The following ERG variants were observed in gnomAD, a reference collection of about 807,000 sequenced individuals.
ERG encodes transcriptional regulator ERG.
A neutral mutation model predicts 55.3 loss-of-function variants in ERG; 9 were observed. The ratio of observed to expected loss-of-function variants is 0.16; its 90% confidence interval spans 0.10 to 0.28. ERG has a LOEUF of 0.28. Among genes scored for constraint, ERG ranks in the 10% least tolerant of loss-of-function variants. The pLI is 1.00. For missense variants in ERG, 434 were observed against 631.6 expected, an observed-to-expected ratio of 0.69 and a Z score of 3.35; for synonymous variants, 223 against 237.3, an observed-to-expected ratio of 0.94 and a Z score of 0.55.
intron 2 of ERG, among the ~76,000 whole-genome samples, chr21:38,568,316 T>C (rs2059935976): frequency 6.6e-6 from 1 of 152,210 alleles, no homozygotes; most frequent in East Asian, 1.9e-4. Flanking sequence ...TAATGTGATG[T>C]GATAATAAGT....
intron 2 of ERG, among the ~76,000 whole-genome samples, chr21:38,435,377 T>C (rs375633679): frequency 6.6e-6 from 1 of 152,214 alleles, no homozygotes; most frequent in East Asian, 1.9e-4. Context: ...GTTTTATTTC[T>C]GAATCAGAGG....
intron 1 of ERG, among the ~76,000 whole-genome samples, chr21:38,620,283 G>A (rs12329803): frequency 6.6e-6 from 1 of 151,474 alleles, no homozygotes; most frequent in South Asian, 2.1e-4. Flanking sequence ...TTATGCAACA[G>A]AAAGGCGATG....
At chr21:38,481,764 C>A (rs773544228) in intron 1 of ERG, among the ~76,000 whole-genome samples, 8 of 152,256 alleles carry the variant, frequency 5.3e-5, no homozygotes, top group Non-Finnish European at 1.0e-4. Flanking sequence ...AATCAATATA[C>A]TAGACACCAG....
chr21:38,601,398 A>G (rs2060163685), intron 1 of ERG, among the ~76,000 whole-genome samples: 1 of 152,180 alleles, frequency 6.6e-6, no homozygotes, highest in Non-Finnish European at 1.5e-5. Context: ...ATCCAACACC[A>G]TATTATTGTC....
intron 2 of ERG, among the ~76,000 whole-genome samples, chr21:38,566,365 G>A (rs764202538): frequency 3.9e-5 from 6 of 152,154 alleles, no homozygotes; most frequent in Non-Finnish European, 5.9e-5. Flanking sequence ...GCCCCACACT[G>A]AGTCCTACAA....
At chr21:38,569,029 G>GC (rs1183559597) in intron 2 of ERG, among the ~76,000 whole-genome samples, 1 of 152,168 alleles carries the variant, frequency 6.6e-6, no homozygotes, top group Non-Finnish European at 1.5e-5. Context: ...ACTACAGGCA[G>GC]CCCCCCTGAG....
chr21:38,469,373 T>C (rs2059120766), intron 1 of ERG, among the ~76,000 whole-genome samples: 1 of 152,216 alleles, frequency 6.6e-6, no homozygotes, highest in African/African-American at 2.4e-5. Flanking sequence ...TGCCATTACC[T>C]GAAAAATTCC....
At chr21:38,459,468 G>T (rs1274005721) in intron 1 of ERG, among the ~76,000 whole-genome samples, 2 of 152,176 alleles carry the variant, frequency 1.3e-5, no homozygotes, top group African/African-American at 2.4e-5. Context: ...TTACTTTGGG[G>T]GACGATTTTA....
At chr21:38,587,127 A>G (rs569894132), upstream of ERG, among the ~76,000 whole-genome samples, 152 of 152,314 alleles carry the variant, frequency 1.0e-3, 1 homozygote, top group African/African-American at 3.2e-3. Flanking sequence ...GTATTTTCCA[A>G]ATTTTCTAAA....
chr21:38,558,332 T>G (rs967487520), intron 2 of ERG, among the ~76,000 whole-genome samples: 2 of 152,226 alleles, frequency 1.3e-5, no homozygotes, highest in Admixed American at 6.5e-5. Context: ...AACTTTAAAC[T>G]GAATAGGAGA....
At chr21:38,564,585 CTCTT>C (rs1292637373) in intron 2 of ERG, among the ~76,000 whole-genome samples, 3 of 151,432 alleles carry the variant, frequency 2.0e-5, no homozygotes, top group Admixed American at 2.0e-4. Flanking sequence ...TTCTCTCTCT[CTCTT>C]TTTTTTTGTT....
At chr21:38,597,613 G>A (rs959424201) in intron 1 of ERG, among the ~76,000 whole-genome samples, 1 of 152,164 alleles carries the variant, frequency 6.6e-6, no homozygotes, top group East Asian at 1.9e-4. Context: ...GTTGTAGGAT[G>A]TCCTGGGAAC....
intron 1 of ERG, among the ~76,000 whole-genome samples, chr21:38,473,089 G>C (rs1047801206): frequency 1.9e-4 from 28 of 146,342 alleles, no homozygotes; most frequent in African/African-American, 6.6e-4. Context: ...CTGAGGTGTA[G>C]CAAGTTTTCA....
At chr21:38,376,165 A>C (rs115378627), downstream of ERG, among the ~76,000 whole-genome samples, 602 of 152,312 alleles carry the variant, frequency 4.0e-3, 3 homozygotes, top group African/African-American at 0.014. Flanking sequence ...ACCATTGCAT[A>C]GTTCCACTTT....
rs1443724998 is a variant in ERG at position 38,528,746 on chromosome 21, C to G, written c.-41+46916G>C. The stretch of plus-strand genomic sequence containing the variant: ...TACAGGCGTGAGCCACCGCGCCCGG[C>G]CCATAGCAAACTTTTGTAAACATAA... On this transcript the variant is annotated intron_variant, in intron 2 of 8. Coordinates refer to the ERG transcript ENST00000398897. Among the ~76,000 whole-genome samples the G allele has an allele frequency of 2.5e-4, 10 of 39,938 alleles. 3 individuals carry two copies. The highest frequency in any genetic ancestry group is 7.1e-4 in the Non-Finnish European group (9 of 12,634). 26.2% of individuals were successfully genotyped at this position (39,938 alleles called of 152,430 possible).
intron 2 of ERG, among the ~76,000 whole-genome samples, chr21:38,539,101 G>A (rs1209761055): frequency 1.3e-5 from 2 of 152,162 alleles, no homozygotes; most frequent in Admixed American, 6.5e-5. Context: ...GCACTTTAAC[G>A]ATGCTGAGGC....
chr21:38,374,321 A>G, the ERG span, among the ~76,000 whole-genome samples: 1 of 152,236 alleles, frequency 6.6e-6, no homozygotes, highest in Admixed American at 6.5e-5. Context: ...AGTACTGTAA[A>G]CAGTTGTCGA....
chr21:38,398,962 G>A (rs2146445489), intron 6 of ERG, among the ~76,000 whole-genome samples: 1 of 152,280 alleles, frequency 6.6e-6, no homozygotes, highest in African/African-American at 2.4e-5. Context: ...AAATGTTTTG[G>A]AAATAGTTTT....
intron 1 of ERG, 61 bp from the exon 2 acceptor site, chr21:38,445,682 G>A: frequency 6.9e-7 from 1 of 1,444,492 alleles, no homozygotes; most frequent in East Asian, 2.3e-5. Context: ...GTTTCAAAAA[G>A]TTGTTGATTT....
Sources: gnomAD v4.1 joint callset for allele counts (sites outside exome capture counted in the v4.1 genomes callset) on GRCh38, gnomAD v4.1.1 for gene constraint, MANE v1.5 for transcripts, NCBI Gene and HGNC (gene_info 2026-07-23, HGNC 2026-07-21) for gene names.